Variants in CHCHD6 observed in about 807,000 individuals in gnomAD.
The protein encoded by CHCHD6 is coiled-coil-helix-coiled-coil-helix domain containing 6.
In CHCHD6, 28 loss-of-function variants were observed where a neutral mutation model predicts 32.3. The ratio of observed to expected loss-of-function variants is 0.87; its 90% confidence interval spans 0.64 to 1.19. The LOEUF is 1.19. Ranked by LOEUF, CHCHD6 falls within the 50% of genes most tolerant of loss-of-function variation. The pLI is 0.00. For synonymous variants in CHCHD6, 122 were observed against 117.5 expected, an observed-to-expected ratio of 1.04 and a Z score of -0.25; for missense variants, 333 against 307.0, an observed-to-expected ratio of 1.08 and a Z score of -0.63.
At chr3:126,862,463 C>A (rs1941958222) in intron 5 of CHCHD6, among the ~76,000 whole-genome samples, 1 of 136,356 alleles carries the variant, frequency 7.3e-6, no homozygotes, top group African/African-American at 2.7e-5. Flanking sequence ...TCCTCCTCCA[C>A]CATCACCACC....
At chr3:126,851,710 T>C (rs559292341) in intron 4 of CHCHD6, among the ~76,000 whole-genome samples, 2 of 152,166 alleles carry the variant, frequency 1.3e-5, no homozygotes, top group South Asian at 4.1e-4. Flanking sequence ...GGGACATGAG[T>C]ATCCCAGTGA....
chr3:126,711,931 CAT>C (rs1177695308), intron 1 of CHCHD6, among the ~76,000 whole-genome samples: 1 of 152,236 alleles, frequency 6.6e-6, no homozygotes, highest in Non-Finnish European at 1.5e-5. Context: ...GCTGCTTTCA[CAT>C]GTGTTATTCT....
In CHCHD6 at chr3:126,937,284, ATT is replaced by A. The variant is rs148183919; in HGVS notation, c.567-20131_567-20130del. On this transcript the variant is annotated intron_variant, in intron 6 of 7. Coordinates refer to ENST00000290913, the MANE Select transcript of CHCHD6 (RefSeq NM_032343.3). ...GGAGTACAGCAGCATCTAAGCTGGC[ATT>A]GAGCTTCACTTCCATGCTAACTTGG... Among the ~76,000 whole-genome samples, 1,105 of 152,350 alleles carry A rather than the reference ATT, an allele frequency of 7.3e-3. 7 individuals carry two copies. The highest frequency in any genetic ancestry group is 0.012 in the Non-Finnish European group (812 of 68,042).
At chr3:126,934,102 G>T (rs1487868212) in intron 6 of CHCHD6, among the ~76,000 whole-genome samples, 2 of 152,216 alleles carry the variant, frequency 1.3e-5, no homozygotes, top group African/African-American at 2.4e-5. Context: ...GACCACTGGA[G>T]TGCAAGCATG....
At chr3:126,931,046 A>G (rs1330931544) in intron 6 of CHCHD6, among the ~76,000 whole-genome samples, 1 of 152,210 alleles carries the variant, frequency 6.6e-6, no homozygotes, top group Non-Finnish European at 1.5e-5. Flanking sequence ...CTGCCCTGTC[A>G]TCAGAAAGTC....
rs774893414 is a variant in CHCHD6 at position 126,751,503 on chromosome 3, C to CAAA, written c.411+18300_411+18302dup. ...TAGGTGACAGAGTGAGACCCTGTCTCAAAAAAAAAAAAAAAAAAAAAGCGC... is the reference window on the plus strand; with the variant it reads ...TAGGTGACAGAGTGAGACCCTGTCTCAAAAAAAAAAAAAAAAAAAAAAAAGCGC... On this transcript the variant is annotated intron_variant, in intron 4 of 7. Coordinates refer to ENST00000290913, the MANE Select transcript of CHCHD6 (RefSeq NM_032343.3). Among the ~76,000 whole-genome samples, 146 of 71,710 alleles carry CAAA rather than the reference C, an allele frequency of 2.0e-3. 4 individuals carry two copies. In the East Asian group the frequency reaches 0.046, roughly 23 times the overall value. The allele number at this position is 71,710 out of a possible 152,430, so 47.0% of individuals were successfully genotyped here. A position where few individuals can be genotyped will look rare whatever the true frequency, so the allele number is the denominator to read the frequency against.
chr3:126,953,902 G>A (rs2078750308), intron 6 of CHCHD6, among the ~76,000 whole-genome samples: 1 of 152,172 alleles, frequency 6.6e-6, no homozygotes, highest in Non-Finnish European at 1.5e-5. Context: ...CTGAACATGG[G>A]AGCTGTTTTG....
intron 5 of CHCHD6, among the ~76,000 whole-genome samples, chr3:126,888,773 C>T (rs751246256): frequency 6.6e-6 from 1 of 152,154 alleles, no homozygotes; most frequent in Non-Finnish European, 1.5e-5. Flanking sequence ...GAGCAGTGCT[C>T]GTTTTCCCGT....
chr3:126,919,340 A>G (rs2078213900), intron 6 of CHCHD6, among the ~76,000 whole-genome samples: 1 of 144,132 alleles, frequency 6.9e-6, no homozygotes, highest in Admixed American at 7.1e-5. Flanking sequence ...TTTTGAGACA[A>G]GGTCTCACTG....
chr3:126,730,460 G>A, intron 2 of CHCHD6, 101 bp from the exon 3 acceptor site: 3 of 918,488 alleles, frequency 3.3e-6, no homozygotes, highest in Middle Eastern at 2.2e-4. Context: ...CCTTCCAAGG[G>A]GCACATTCAT....
chr3:126,927,662 C>A (rs1446969435), intron 6 of CHCHD6, among the ~76,000 whole-genome samples: 1 of 152,252 alleles, frequency 6.6e-6, no homozygotes, highest in Non-Finnish European at 1.5e-5. Flanking sequence ...AGCGTCCCCA[C>A]AGGCAATGGC....
chr3:126,959,387 G>A (rs2078829875), intron 7 of CHCHD6, among the ~76,000 whole-genome samples: 1 of 152,248 alleles, frequency 6.6e-6, no homozygotes, highest in Admixed American at 6.5e-5. Flanking sequence ...CTCCCTCGGA[G>A]CCCCAGCACC....
intron 4 of CHCHD6, among the ~76,000 whole-genome samples, chr3:126,826,032 T>C (rs1940379074): frequency 6.6e-6 from 1 of 152,234 alleles, no homozygotes; most frequent in South Asian, 2.1e-4. Context: ...TTCTAGATTT[T>C]GGTAGACCTG....
intron 4 of CHCHD6, among the ~76,000 whole-genome samples, chr3:126,790,183 T>C (rs149221413): frequency 0.082 from 12,423 of 152,110 alleles, 694 homozygotes; most frequent in African/African-American, 0.15. Flanking sequence ...GAGTTTCTGC[T>C]GAGAGATCAG....
At chr3:126,881,844 C>T (rs1311913037) in intron 5 of CHCHD6, among the ~76,000 whole-genome samples, 1 of 152,126 alleles carries the variant, frequency 6.6e-6, no homozygotes, top group South Asian at 2.1e-4. Context: ...TGCGGGAGGG[C>T]ATCTGAAGGT....
Position 126,809,399 on chromosome 3 carries a change from C to G in CHCHD6, c.412-43248C>G, listed in dbSNP as rs114163702. 4.5e-3 allele frequency among the ~76,000 whole-genome samples: 689 copies of G among 152,290 alleles called. 5 individuals carry two copies. Among genetic ancestry groups the G allele is most frequent in the African/African-American group, 0.015 (614 of 41,554 alleles). On this transcript the variant is annotated intron_variant, in intron 4 of 7. Transcript: ENST00000290913. ...CCTTTTACAGTTCTTCAAAGACATG[C>G]TCAGGATGTTGATTTCACTTGTTTA...
At chr3:126,723,855 T>G (rs1392574334) in intron 1 of CHCHD6, among the ~76,000 whole-genome samples, 1 of 152,240 alleles carries the variant, frequency 6.6e-6, no homozygotes, top group African/African-American at 2.4e-5. Context: ...CTTACAGTAA[T>G]TTTTAATGTC....
chr3:126,834,053 C>CAA (rs55790919), intron 4 of CHCHD6, among the ~76,000 whole-genome samples: 2,598 of 43,764 alleles, frequency 0.059, 162 homozygotes, highest in Non-Finnish European at 0.094. Flanking sequence ...GACTCCGTCT[C>CAA]AAAAAAAAAA....
chr3:126,779,486 G>A (rs1025254843), intron 4 of CHCHD6, among the ~76,000 whole-genome samples: 12 of 142,730 alleles, frequency 8.4e-5, no homozygotes, highest in Admixed American at 5.2e-4. Flanking sequence ...GCGGTAAGCC[G>A]AGATCGCTCC....
Sources: gnomAD v4.1 joint callset for allele counts (sites outside exome capture counted in the v4.1 genomes callset) on GRCh38, gnomAD v4.1.1 for gene constraint, MANE v1.5 for transcripts, NCBI Gene and HGNC (gene_info 2026-07-23, HGNC 2026-07-21) for gene names.